CARS2: variants seen among roughly 807,000 people sequenced by gnomAD.
The protein encoded by CARS2 is probable cysteine--tRNA ligase, mitochondrial.
In CARS2, 52 loss-of-function variants were observed where a neutral mutation model predicts 68.8. The observed-to-expected ratio is 0.76, with a 90% confidence interval of 0.61 to 0.95. The LOEUF is 0.95. CARS2 is among the 40% of genes least tolerant of loss of function. The pLI, the probability that CARS2 is intolerant of heterozygous loss-of-function variation, is 0.00. For synonymous variants in CARS2, 314 were observed against 303.6 expected (o/e 1.03, Z -0.36); for missense variants, 780 against 754.2 (o/e 1.03, Z -0.40).
chr13:110,703,104 C>A (rs1373434763), intron 2 of CARS2, among the ~76,000 whole-genome samples: 1 of 152,134 alleles, frequency 6.6e-6, no homozygotes, highest in Non-Finnish European at 1.5e-5. Context: ...CCAAACTGAT[C>A]TATTTGTTTT....
chr13:110,652,417 AC>A, intron 9 of CARS2, among the ~76,000 whole-genome samples: 1 of 152,306 alleles, frequency 6.6e-6, no homozygotes, highest in East Asian at 1.9e-4. Flanking sequence ...CTGCTCAACA[AC>A]CCTACTGAGA....
At chr13:110,703,282 T>C (rs2063844517) in intron 2 of CARS2, among the ~76,000 whole-genome samples, 1 of 152,180 alleles carries the variant, frequency 6.6e-6, no homozygotes, top group Admixed American at 6.5e-5. Context: ...AATTACATCA[T>C]GCTAACGACA....
At chr13:110,671,360 G>T (rs1009233857) in intron 7 of CARS2, among the ~76,000 whole-genome samples, 8 of 152,232 alleles carry the variant, frequency 5.3e-5, no homozygotes, top group African/African-American at 1.7e-4. Flanking sequence ...ACTAACAGCA[G>T]ATCTCCTGGC....
intron 3 of CARS2, among the ~76,000 whole-genome samples, chr13:110,693,503 G>A (rs1399151501): frequency 6.6e-6 from 1 of 152,058 alleles, no homozygotes; most frequent in Admixed American, 6.6e-5. Flanking sequence ...GGGACTACAG[G>A]TGCCCGCCAC....
chr13:110,692,415 G>A (rs2063498074), intron 3 of CARS2, among the ~76,000 whole-genome samples: 1 of 151,634 alleles, frequency 6.6e-6, no homozygotes, highest in Non-Finnish European at 1.5e-5. Context: ...AGGTTGCGGT[G>A]AGCTGAGATT....
chr13:110,642,604 G>A (rs770397058), intron 13 of CARS2, 83 bp from the exon 14 acceptor site: 6 of 1,341,620 alleles, frequency 4.5e-6, no homozygotes, highest in East Asian at 4.6e-5. Flanking sequence ...TGGGCTCTGG[G>A]CCGACACCCA....
At chr13:110,683,559 G>GA (rs1187646609) in intron 5 of CARS2, among the ~76,000 whole-genome samples, 1 of 152,232 alleles carries the variant, frequency 6.6e-6, no homozygotes, top group East Asian at 1.9e-4. Flanking sequence ...TATTTAATCA[G>GA]AAAAAAGAAA....
rs1373394882 is a variant in CARS2 at position 110,642,343 on chromosome 13, C to T, written c.1595G>A (p.Gly532Asp). Residue 532 changes from glycine (G) to aspartate (D), a missense_variant, in exon 14 of 15, where the codon GGC becomes GAC. Physicochemically the swap from Gly to Asp is moderately conservative, Grantham distance 94. Transcript: ENST00000257347. Reference sequence around the variant, plus strand: ...GATGTTGATGCCGTGGGCAGTCAGGCCCCGGCGCAGGGTGTCGCATGCTTC... The same window carrying T: ...GATGTTGATGCCGTGGGCAGTCAGGTCCCGGCGCAGGGTGTCGCATGCTTC... Reference protein sequence around the residue: ...LLEACDTLRRGLTAHGINIKD... With the variant: ...LLEACDTLRRDLTAHGINIKD... The T allele has an allele frequency of 6.4e-7, 1 of 1,551,204 alleles. No individual in the cohort carries two copies. Among genetic ancestry groups the T allele is most frequent in the Admixed American group, 2.0e-5 (1 of 51,068 alleles).
rs1295717765 is a variant in CARS2, at chr13:110,668,647, G to A, written c.786-1174C>T. ...GAAGGAGACTGTGGGACCAGGAGTGGGGAGGGGATGGGAGGGGCCTCATTT... is the reference window on the plus strand; with the variant it reads ...GAAGGAGACTGTGGGACCAGGAGTGAGGAGGGGATGGGAGGGGCCTCATTT... On this transcript the variant is annotated intron_variant, in intron 7 of 14. Transcript: ENST00000257347. This position sits in a 1 kb window ranked among gnomAD's most constrained non-coding sequence, Gnocchi z 4.1. Among the ~76,000 whole-genome samples, 4 of 152,202 alleles carry A rather than the reference G, an allele frequency of 2.6e-5. No individual in the cohort carries two copies. The highest frequency in any genetic ancestry group is 6.5e-5 in the Admixed American group (1 of 15,282).
rs1046983723 is a variant in CARS2 at position 110,644,340 on chromosome 13, A to G, written c.1416+45T>C. ...AAAGGGTAAAGGTTATTGTCCCAAC[A>G]TGGAGAAAATTCCAGAATTAAGCAT... On this transcript the variant is annotated intron_variant, in intron 13 of 14. Transcript: ENST00000257347. 3.9e-6 allele frequency: 6 copies of G among 1,558,310 alleles called. No individual in the cohort carries two copies. The African/African-American group carries it at 4.1e-5, about 11-fold the overall frequency.
rs765250919 is a variant in CARS2 at position 110,687,984 on chromosome 13, T to C, written c.428A>G (p.Tyr143Cys). ...CATGTCCTGCTTGAAGTCTTCCTCA[T>C]AAAGACTGGCGAGGGAAGCGGGGGA... The part of the protein sequence containing the change: ...NISPASLASL[Y>C]EEDFKQDMAA... The change falls in exon 4 of 15, where the codon TAT becomes TGT. Residue 143 changes from tyrosine (Y) to cysteine (C), a missense_variant. Coordinates refer to ENST00000257347, the MANE Select transcript of CARS2 (RefSeq NM_024537.4). 5 of 1,612,286 alleles carry C rather than the reference T, an allele frequency of 3.1e-6. No individual in the cohort carries two copies. The East Asian group carries it at 1.1e-4, about 36-fold the overall frequency.
Position 110,687,771 on chromosome 13 carries a change from G to A in CARS2, c.521C>T (p.Ser174Phe). Reference protein sequence around the residue: ...RVTENIPQIISFIEGIIARGN... With the variant: ...RVTENIPQIIFFIEGIIARGN... Reference sequence around the variant, plus strand: ...ACGAGCAATGATTCCTTCAATGAAAGAAATTATCTGAGGAATATTTTCGGT... The same window carrying A: ...ACGAGCAATGATTCCTTCAATGAAAAAAATTATCTGAGGAATATTTTCGGT... Residue 174 changes from serine (S) to phenylalanine (F), a missense_variant, in exon 5 of 15, where the codon TCT becomes TTT. Coordinates refer to ENST00000257347, the MANE Select transcript of CARS2 (RefSeq NM_024537.4). The A allele has an allele frequency of 6.2e-7, 1 of 1,612,450 alleles. No individual in the cohort carries two copies. The highest frequency in any genetic ancestry group is 1.7e-4 in the Middle Eastern group (1 of 5,968).
chr13:110,687,885 A>G (rs1004764481), intron 4 of CARS2, 59 bp from the exon 5 acceptor site: 5 of 1,559,590 alleles, frequency 3.2e-6, no homozygotes, highest in Non-Finnish European at 4.4e-6. Context: ...GTCAGCCAGC[A>G]CCAGCTGTCA....
rs776894533 is a variant in CARS2, at chr13:110,705,594, T to G, written c.225-23A>C. 8.7e-5 allele frequency: 140 copies of G among 1,604,678 alleles called. No individual in the cohort carries two copies. The Admixed American group carries it at 1.5e-3, about 17-fold the overall frequency. Reference sequence around the variant, plus strand: ...TACCTGGAAACAAAGTTAAAATCCATCGTGTGGAACATATTTGCAAGAAAG... The same window carrying G: ...TACCTGGAAACAAAGTTAAAATCCAGCGTGTGGAACATATTTGCAAGAAAG... On this transcript the variant is annotated intron_variant, in intron 1 of 14. Transcript: ENST00000257347. The surrounding 1 kb of genome is among the most constrained non-coding windows in gnomAD (Gnocchi z 4.0).
upstream of CARS2, among the ~76,000 whole-genome samples, chr13:110,708,015 C>A (rs2063997193): frequency 6.6e-6 from 1 of 152,204 alleles, no homozygotes; most frequent in African/African-American, 2.4e-5. Context: ...TGAATATTAT[C>A]ACTTCTTGCC....
In CARS2 at chr13:110,668,618, C is replaced by T. The variant is rs1040553086; in HGVS notation, c.786-1145G>A. ...TCTAACATTCCCTGCAGTTCAAATG[C>T]TGTGAAGGAGACTGTGGGACCAGGA... On this transcript the variant is annotated intron_variant, in intron 7 of 14. Transcript: ENST00000257347. The surrounding 1 kb of genome is among the most constrained non-coding windows in gnomAD (Gnocchi z 4.1). 2.0e-5 allele frequency among the ~76,000 whole-genome samples: 3 copies of T among 151,918 alleles called. No individual in the cohort carries two copies. Among genetic ancestry groups the T allele is most frequent in the Non-Finnish European group, 2.9e-5 (2 of 68,008 alleles).
chr13:110,654,833 C>G (rs983521448), intron 9 of CARS2, among the ~76,000 whole-genome samples: 1 of 148,084 alleles, frequency 6.8e-6, no homozygotes, highest in African/African-American at 2.5e-5. Flanking sequence ...GGAGGTTTGC[C>G]GGAGCCCACA....
chr13:110,647,694 A>G (rs444748), intron 10 of CARS2, among the ~76,000 whole-genome samples: 1,549 of 136,896 alleles, frequency 0.011, 8 homozygotes, highest in South Asian at 0.024. Flanking sequence ...CAGCCCAAAG[A>G]GGGAGGGAGG....
intron 10 of CARS2, among the ~76,000 whole-genome samples, chr13:110,647,657 G>A (rs1003741030): frequency 6.6e-6 from 1 of 152,180 alleles, no homozygotes; most frequent in Non-Finnish European, 1.5e-5. Flanking sequence ...AGGCCCTCCC[G>A]AGGGAAAGTG....
Sources: gnomAD v4.1 joint callset for allele counts (sites outside exome capture counted in the v4.1 genomes callset) on GRCh38, gnomAD v4.1.1 for gene constraint, Gnocchi (gnomAD v3.1) non-coding constraint, MANE v1.5 for transcripts, NCBI Gene and HGNC (gene_info 2026-07-23, HGNC 2026-07-21) for gene names.